NAGA: variants seen among roughly 807,000 people sequenced by gnomAD.
The protein encoded by NAGA is alpha-N-acetylgalactosaminidase.
A neutral mutation model predicts 45.6 loss-of-function variants in NAGA; 42 were observed. That is an observed-to-expected ratio of 0.92 (90% CI 0.72 to 1.19). The LOEUF (loss-of-function observed/expected upper bound fraction) is 1.19, where lower values mean the gene tolerates loss of function less well. Among genes scored for constraint, NAGA ranks in the 50% most tolerant of loss-of-function variants. The pLI, the probability that NAGA is intolerant of heterozygous loss-of-function variation, is 0.00. For missense variants in NAGA, 493 were observed against 544.8 expected (o/e 0.90, Z 0.95); for synonymous variants, 176 against 203.1 (o/e 0.87, Z 1.13).
chr22:42,070,301 T>G lies in NAGA; in HGVS notation c.-4A>C. The G allele has an allele frequency of 1.2e-6, 2 of 1,614,182 alleles. No homozygotes were observed. Among genetic ancestry groups the G allele is most frequent in the Non-Finnish European group, 1.7e-6 (2 of 1,180,030 alleles). ...AGGTACCTGTCTTCAGCAGCATCGCTCTGGACTCAGCTTCCGAGGACCTGA... is the reference window on the plus strand; with the variant it reads ...AGGTACCTGTCTTCAGCAGCATCGCGCTGGACTCAGCTTCCGAGGACCTGA... On this transcript the variant is annotated 5_prime_UTR_variant, in exon 1 of 9. Coordinates refer to ENST00000396398, the MANE Select transcript of NAGA (RefSeq NM_000262.3).
intron 1 of NAGA, among the ~76,000 whole-genome samples, chr22:42,068,918 C>T (rs541612668): frequency 6.8e-4 from 103 of 152,050 alleles, no homozygotes; most frequent in Non-Finnish European, 1.3e-3. Flanking sequence ...ACAGATGCTC[C>T]TAGGCCTACC....
At chr22:42,060,472 C>G (rs1926305199) in intron 8 of NAGA, 59 bp from the exon 9 acceptor site, 6 of 1,607,226 alleles carry the variant, frequency 3.7e-6, no homozygotes, top group Non-Finnish European at 5.1e-6. Flanking sequence ...AGAGACCCCC[C>G]CCGCTAGAGG....
At chr22:42,066,041 G>T in intron 5 of NAGA, 142 bp from the exon 6 acceptor site, 1 of 1,120,254 alleles carries the variant, frequency 8.9e-7, no homozygotes, top group Non-Finnish European at 1.3e-6. Context: ...GCTTGCTCAG[G>T]ATGAGGAGGG....
intron 1 of NAGA, 89 bp from the exon 2 acceptor site, chr22:42,068,663 C>T (rs1445969416): frequency 1.4e-5 from 22 of 1,531,010 alleles, no homozygotes; most frequent in Non-Finnish European, 1.9e-5. Flanking sequence ...TTGCTCAGCC[C>T]TACAGAGGCT....
intron 6 of NAGA, 40 bp downstream of exon 6, chr22:42,065,698 C>A: frequency 6.2e-7 from 1 of 1,612,324 alleles, no homozygotes; most frequent in South Asian, 1.1e-5. Flanking sequence ...AGGGTCGTCA[C>A]AGATGGTGGG....
At chr22:42,063,093 A>T (rs1926506874) in intron 6 of NAGA, 69 bp from the exon 7 acceptor site, 2 of 1,487,356 alleles carry the variant, frequency 1.3e-6, no homozygotes, top group African/African-American at 1.4e-5. Flanking sequence ...ACCATCCCCA[A>T]ACTTGTAGCC....
chr22:42,060,833 G>A, intron 8 of NAGA, 91 bp downstream of exon 8: 1 of 1,571,854 alleles, frequency 6.4e-7, no homozygotes, highest in South Asian at 1.1e-5. Context: ...CACGGCTCAG[G>A]GGAGGCCATA....
rs1449041978 is a variant in NAGA at position 42,060,241 on chromosome 22, CAGT to C, written c.*35_*37del. ...ATGCCAAGGCTCCATGGTCTAGGCT[CAGT>C]GGTGCCACCACAGCCTGTCACATGT... On this transcript the variant is annotated 3_prime_UTR_variant, in exon 9 of 9. Coordinates refer to ENST00000396398, the MANE Select transcript of NAGA (RefSeq NM_000262.3). The C allele has an allele frequency of 1.2e-6, 2 of 1,611,164 alleles. No homozygotes were observed. The highest frequency in any genetic ancestry group is 1.7e-6 in the Non-Finnish European group (2 of 1,179,920).
intron 1 of NAGA, among the ~76,000 whole-genome samples, chr22:42,068,845 T>TTAGCAAAACTAACACCTC (rs1461386081): frequency 5.2e-5 from 1 of 19,168 alleles, no homozygotes; most frequent in African/African-American, 4.5e-4. Flanking sequence ...ACTAACACCT[T>TTAGCAAAACTAACACCTC]ATGTCCTAAC....
Position 42,067,196 on chromosome 22 carries a change from T to C in NAGA, c.419A>G (p.Gln140Arg), listed in dbSNP as rs376282436. Residue 140 changes from glutamine (Q) to arginine (R), a missense_variant, in exon 4 of 9, where the codon CAG (glutamine) becomes CGG (arginine). Transcript: ENST00000396398. ...YPGTTLDKVV[Q>R]DAQTFAEWKV... The stretch of plus-strand genomic sequence containing the variant: ...CCACTCGGCGAAGGTCTGAGCATCC[T>C]GGACCACCTTGTCCAGTGTGGTGCC... 10 of 1,614,080 alleles carry C rather than the reference T, an allele frequency of 6.2e-6. No homozygotes were observed. In the African/African-American group the frequency reaches 8.0e-5, roughly 13 times the overall value.
At position 42,060,265 on chromosome 22, in the gene NAGA, C is replaced by T. The variant is rs1169326741; in HGVS notation, c.*14G>A. On this transcript the variant is annotated 3_prime_UTR_variant, in exon 9 of 9. Transcript: ENST00000396398. ...TCAGTGGTGCCACCACAGCCTGTCA[C>T]ATGTCCCAGCTCCTCACTGCTGGGA... The T allele has an allele frequency of 3.1e-6, 5 of 1,612,802 alleles. No homozygotes were observed. In the Admixed American group the frequency reaches 5.0e-5, roughly 16 times the overall value.
At position 42,060,344 on chromosome 22, in the gene NAGA, T is replaced by C. The variant is rs957248641; in HGVS notation, c.1171A>G (p.Asn391Asp). ...RDETNFTVII[N>D]PSGVVMWYLY... ...TACCACATCACTACCCCTGAAGGGT[T>C]GATGATCACTGTGAAGTTGGTTTCA... Residue 391 changes from asparagine to aspartate, a missense_variant, in exon 9 of 9, where the codon AAC (asparagine) becomes GAC (aspartate). By Grantham distance (23) the Asn-to-Asp change is conservative (BLOSUM62 1). Coordinates refer to ENST00000396398, the MANE Select transcript of NAGA (RefSeq NM_000262.3). 6.2e-7 allele frequency: 1 copy of C among 1,613,742 alleles called. No homozygotes were observed. Among genetic ancestry groups the C allele is most frequent in the Non-Finnish European group, 8.5e-7 (1 of 1,179,954 alleles).
At chr22:42,067,982 C>A (rs1184079355) in intron 2 of NAGA, 46 bp from the exon 3 acceptor site, 1 of 1,560,524 alleles carries the variant, frequency 6.4e-7, no homozygotes, top group East Asian at 2.2e-5. Context: ...CCCAGCCCGG[C>A]CCTCACCCAC....
In NAGA at chr22:42,059,903, AG is replaced by A; in HGVS notation, c.*375del. On this transcript the variant is annotated 3_prime_UTR_variant, in exon 9 of 9. Transcript: ENST00000396398. Reference sequence around the variant, plus strand: ...ATGATCCATGGGCATTCCTGGCAAGAGGTCAGATCTCTCTACTCCTAATTCG... The same window carrying A: ...ATGATCCATGGGCATTCCTGGCAAGAGTCAGATCTCTCTACTCCTAATTCG... 1 of 287,872 alleles carries A rather than the reference AG, an allele frequency of 3.5e-6. No homozygotes were observed. Among genetic ancestry groups the A allele is most frequent in the South Asian group, 3.5e-5 (1 of 28,188 alleles). The allele number at this position is 287,872 out of a possible 1,614,324, so 17.8% of individuals were successfully genotyped here.
At chr22:42,064,241 G>A (rs1052080877) in intron 6 of NAGA, among the ~76,000 whole-genome samples, 1 of 151,670 alleles carries the variant, frequency 6.6e-6, no homozygotes, top group Non-Finnish European at 1.5e-5. Flanking sequence ...TTGGGAGGCT[G>A]AGACAGGAGA....
At chr22:42,070,238 C>T in intron 1 of NAGA, 44 bp downstream of exon 1, 1 of 1,612,058 alleles carries the variant, frequency 6.2e-7, no homozygotes, top group Non-Finnish European at 8.5e-7. Context: ...CTCCTTGTAG[C>T]ACTCACCCCT....
At chr22:42,064,636 C>G (rs1163029961) in intron 6 of NAGA, among the ~76,000 whole-genome samples, 1 of 152,090 alleles carries the variant, frequency 6.6e-6, no homozygotes, top group African/African-American at 2.4e-5. Context: ...CAGAGCAAGA[C>G]TCTGTCTCAA....
intron 1 of NAGA, 110 bp from the exon 2 acceptor site, chr22:42,068,684 A>T: frequency 1.4e-6 from 2 of 1,438,466 alleles, no homozygotes; most frequent in Non-Finnish European, 9.4e-7. Context: ...GCCTGCCTAT[A>T]TATAAGGGAA....
intron 5 of NAGA, among the ~76,000 whole-genome samples, chr22:42,066,368 G>T (rs894941955): frequency 6.6e-6 from 1 of 152,168 alleles, no homozygotes; most frequent in Non-Finnish European, 1.5e-5. Flanking sequence ...CAGCCTTCTG[G>T]GTCTCCTCGC....
Sources: allele counts gnomAD v4.1 joint callset (sites outside exome capture counted in the v4.1 genomes callset), GRCh38; gene constraint gnomAD v4.1.1; transcripts MANE v1.5; gene names NCBI Gene and HGNC (gene_info 2026-07-23, HGNC 2026-07-21).